Variants in SEC31A observed in about 807,000 individuals in gnomAD.
SEC31A encodes the protein protein transport protein Sec31A.
A neutral mutation model predicts 151.0 loss-of-function variants in SEC31A; 70 were observed. The observed-to-expected ratio is 0.46, with a 90% CI of 0.38 to 0.57. The LOEUF (loss-of-function observed/expected upper bound fraction) is 0.57, where lower values mean the gene tolerates loss of function less well. SEC31A is among the 20% of genes least tolerant of loss of function. The pLI is 0.00. For missense variants in SEC31A, 1,330 were observed against 1,471.2 expected (o/e 0.90, Z 1.57); for synonymous variants, 475 against 505.9 (o/e 0.94, Z 0.82).
At chr4:82,858,075 C>T (rs189612124) in intron 14 of SEC31A, 151 of 216,284 alleles carry the variant, frequency 7.0e-4, no homozygotes, top group Non-Finnish European at 1.0e-3. Flanking sequence ...GTCAGAAGCT[C>T]GGGACCAGCC....
chr4:82,830,758 C>T lies in SEC31A; in HGVS notation c.2969-1700G>A, dbSNP rs370778735. Among the ~76,000 whole-genome samples the T allele has an allele frequency of 1.1e-4, 17 of 152,258 alleles. No homozygotes were observed. The South Asian group carries it at 3.1e-3, about 28-fold the overall frequency. On this transcript the variant is annotated intron_variant, in intron 22 of 26. Transcript: ENST00000395310. ...TATAACCAAGCTACTTGTGTAATCA[C>T]GTAAATTCAATCAGTTGTAAAATCT...
chr4:82,825,069 T>C (rs2148961819), intron 24 of SEC31A, among the ~76,000 whole-genome samples: 1 of 152,354 alleles, frequency 6.6e-6, no homozygotes, highest in Admixed American at 6.5e-5. Context: ...TTTACGTGTA[T>C]GCTGGCATTC....
intron 18 of SEC31A, among the ~76,000 whole-genome samples, chr4:82,852,275 C>CT (rs1291010504): frequency 1.3e-5 from 2 of 152,142 alleles, no homozygotes; most frequent in Non-Finnish European, 2.9e-5. Context: ...ACTACCCAGT[C>CT]TTGGGTATTT....
At chr4:82,833,172 T>C (rs1299269637) in intron 22 of SEC31A, among the ~76,000 whole-genome samples, 1 of 152,152 alleles carries the variant, frequency 6.6e-6, no homozygotes, top group Non-Finnish European at 1.5e-5. Flanking sequence ...CCATCAATGA[T>C]AGACTGGATT....
At chr4:82,865,313 T>C (rs1024048821) in intron 10 of SEC31A, among the ~76,000 whole-genome samples, 2 of 151,994 alleles carry the variant, frequency 1.3e-5, no homozygotes, top group Non-Finnish European at 2.9e-5. Context: ...GAATGTAAAA[T>C]GGTAAAACGG....
intron 26 of SEC31A, among the ~76,000 whole-genome samples, 169 bp from the exon 27 acceptor site, chr4:82,819,422 T>C (rs932123990): frequency 6.6e-6 from 1 of 152,212 alleles, no homozygotes; most frequent in Non-Finnish European, 1.5e-5. Flanking sequence ...GCAACAGTTA[T>C]CAAGTACAAC....
At chr4:82,880,724 TA>T in intron 3 of SEC31A, 74 bp downstream of exon 3, 1 of 1,285,522 alleles carries the variant, frequency 7.8e-7, no homozygotes, top group Non-Finnish European at 1.1e-6. Flanking sequence ...AATAATGGCA[TA>T]ATTATAGACA....
intron 17 of SEC31A, among the ~76,000 whole-genome samples, chr4:82,854,406 A>G (rs1045978814): frequency 1.2e-4 from 18 of 151,090 alleles, no homozygotes; most frequent in African/African-American, 4.4e-4. Flanking sequence ...TAATTTTTAT[A>G]TTCTTATAAT....
chr4:82,889,856 T>C (rs1741891050), intron 1 of SEC31A, among the ~76,000 whole-genome samples: 1 of 152,090 alleles, frequency 6.6e-6, no homozygotes, highest in African/African-American at 2.4e-5. Flanking sequence ...ATCCAAAAGT[T>C]CTTAAGAGTC....
chr4:82,866,365 G>A (rs1735395775), intron 10 of SEC31A, among the ~76,000 whole-genome samples: 1 of 152,140 alleles, frequency 6.6e-6, no homozygotes, highest in South Asian at 2.1e-4. Flanking sequence ...CAGCTACCCA[G>A]GAGGCTGAGG....
rs747027053 is a variant in SEC31A, at chr4:82,869,296, A to ATT, written c.882+1027_882+1028dup. ...CACCACGTCCAGCTAATTTTTTTGT[A>ATT]TTTTTTTTTTTTTTCAGTAGAGACA... On this transcript the variant is annotated intron_variant, in intron 8 of 26. Transcript: ENST00000395310. Among the ~76,000 whole-genome samples, 9 of 128,704 alleles carry ATT rather than the reference A, an allele frequency of 7.0e-5. No homozygotes were observed. The East Asian group carries it at 1.3e-3, about 19-fold the overall frequency. 84.4% of individuals were successfully genotyped at this position (128,704 alleles called of 152,430 possible). A position where few individuals can be genotyped will look rare whatever the true frequency, so the allele number is the denominator to read the frequency against.
At chr4:82,849,036 T>A in intron 19 of SEC31A, 59 bp from the exon 20 acceptor site, 1 of 1,450,680 alleles carries the variant, frequency 6.9e-7, no homozygotes, top group Non-Finnish European at 9.5e-7. Context: ...TATGACAGCA[T>A]GTTAATTTTC....
chr4:82,900,553 G>A, upstream of SEC31A: 1 of 536,814 alleles, frequency 1.9e-6, no homozygotes, highest in Non-Finnish European at 3.3e-6. Context: ...AACGCGGAGG[G>A]AGGAGCGGTC....
chr4:82,887,874 G>A (rs1489779268), intron 1 of SEC31A, among the ~76,000 whole-genome samples: 1 of 150,930 alleles, frequency 6.6e-6, no homozygotes, highest in Admixed American at 6.6e-5. Flanking sequence ...GTGAAACCCC[G>A]TCTCTACTAA....
At chr4:82,846,641 T>C (rs114122054) in intron 20 of SEC31A, among the ~76,000 whole-genome samples, 3,308 of 152,238 alleles carry the variant, frequency 0.022, 123 homozygotes, top group African/African-American at 0.075. Flanking sequence ...TAATGATGAA[T>C]AGTAAATATA....
At chr4:82,819,715 CTA>C (rs1331598364) in intron 26 of SEC31A, among the ~76,000 whole-genome samples, 32 of 152,112 alleles carry the variant, frequency 2.1e-4, no homozygotes, top group Middle Eastern at 6.8e-3. Flanking sequence ...TAGTTTTTTA[CTA>C]TGTCATTACT....
intron 8 of SEC31A, among the ~76,000 whole-genome samples, chr4:82,869,310 T>C (rs1255306986): frequency 2.0e-5 from 3 of 150,938 alleles, no homozygotes; most frequent in Non-Finnish European, 4.4e-5. Flanking sequence ...TTTTTTTTTT[T>C]CAGTAGAGAC....
intron 22 of SEC31A, among the ~76,000 whole-genome samples, chr4:82,839,205 C>G (rs960394443): frequency 6.6e-6 from 1 of 152,138 alleles, no homozygotes; most frequent in African/African-American, 2.4e-5. Flanking sequence ...GGCTGGAGTG[C>G]AGTGGTGCGA....
chr4:82,867,414 T>C lies in SEC31A; in HGVS notation c.883-98A>G, dbSNP rs1018531276. The C allele has an allele frequency of 1.2e-5, 11 of 935,968 alleles. No individual in the cohort carries two copies. The African/African-American group carries it at 1.3e-4, about 11-fold the overall frequency. 58.0% of individuals were successfully genotyped at this position (935,968 alleles called of 1,614,324 possible). ...AATGTGGTCAACAAGTATAGTTAAATTGAATATTTTTTTGTAGAAAGTATC... is the reference window on the plus strand; with the variant it reads ...AATGTGGTCAACAAGTATAGTTAAACTGAATATTTTTTTGTAGAAAGTATC... On this transcript the variant is annotated intron_variant, in intron 8 of 26. Transcript: ENST00000395310.
Sources: gnomAD v4.1 joint callset for allele counts (sites outside exome capture counted in the v4.1 genomes callset) on GRCh38, gnomAD v4.1.1 for gene constraint, MANE v1.5 for transcripts, NCBI Gene and HGNC (gene_info 2026-07-23, HGNC 2026-07-21) for gene names.